The following CRIM1 variants were observed in gnomAD, a reference collection of about 807,000 sequenced individuals.
CRIM1 encodes the protein cysteine-rich motor neuron 1 protein.
Under a neutral mutation model 116.4 loss-of-function variants are expected in CRIM1, and 32 were observed. The observed-to-expected ratio is 0.27, with a 90% CI of 0.21 to 0.37. The LOEUF (loss-of-function observed/expected upper bound fraction) is 0.37. Among genes scored for constraint, CRIM1 ranks in the 10% least tolerant of loss-of-function variants. The probability of loss-of-function intolerance (pLI) is 1.00; values close to 1 mark genes in which losing one functional copy is unlikely to be tolerated. For synonymous variants in CRIM1, 590 were observed against 509.2 expected, an observed-to-expected ratio of 1.16 and a Z score of -2.13; for missense variants, 1,331 against 1,354.8, an observed-to-expected ratio of 0.98 and a Z score of 0.28.
chr2:36,437,099 G>A (rs1019666272), intron 2 of CRIM1, among the ~76,000 whole-genome samples: 1 of 152,200 alleles, frequency 6.6e-6, no homozygotes, highest in Non-Finnish European at 1.5e-5. Flanking sequence ...GAGGAGGCTG[G>A]GCACGGTGGC....
chr2:36,424,451 G>C (rs1216032252), intron 2 of CRIM1, among the ~76,000 whole-genome samples: 1 of 152,156 alleles, frequency 6.6e-6, no homozygotes, highest in East Asian at 1.9e-4. Context: ...CCAGATGGGT[G>C]AATGTTGGGG....
At chr2:36,528,862 A>T (rs978411889) in intron 13 of CRIM1, among the ~76,000 whole-genome samples, 1 of 152,152 alleles carries the variant, frequency 6.6e-6, no homozygotes, top group African/African-American at 2.4e-5. Flanking sequence ...GTTTGATTTC[A>T]GTTTGTTTGG....
intron 7 of CRIM1, among the ~76,000 whole-genome samples, chr2:36,481,055 C>T (rs537337119): frequency 2.6e-5 from 4 of 152,206 alleles, no homozygotes; most frequent in Admixed American, 6.5e-5. Context: ...TTGGGACACA[C>T]GGTAAGGAAT....
intron 7 of CRIM1, among the ~76,000 whole-genome samples, chr2:36,494,605 TA>T (rs1680454077): frequency 6.6e-6 from 1 of 152,132 alleles, no homozygotes; most frequent in South Asian, 2.1e-4. Flanking sequence ...GGAGGGTCTC[TA>T]AAAATCGTTC....
intron 5 of CRIM1, among the ~76,000 whole-genome samples, chr2:36,470,396 A>T (rs529770294): frequency 3.3e-5 from 5 of 152,332 alleles, no homozygotes; most frequent in South Asian, 2.1e-4. Context: ...AGAAGATGCC[A>T]CCTGGGACTT....
intron 15 of CRIM1, among the ~76,000 whole-genome samples, chr2:36,545,486 CTA>C (rs1164001049): frequency 2.0e-5 from 3 of 152,134 alleles, no homozygotes; most frequent in African/African-American, 7.2e-5. Flanking sequence ...TGCATAGTAT[CTA>C]TGTTATAAAG....
At chr2:36,461,168 A>G (rs1402435569) in intron 4 of CRIM1, among the ~76,000 whole-genome samples, 1 of 152,130 alleles carries the variant, frequency 6.6e-6, no homozygotes, top group Non-Finnish European at 1.5e-5. Flanking sequence ...TGGGTGTAGC[A>G]TGGTTTGGGA....
At position 36,487,761 on chromosome 2, in the gene CRIM1, A is replaced by G. The variant is rs571453654; in HGVS notation, c.1372+8067A>G. On this transcript the variant is annotated intron_variant, in intron 7 of 16. Coordinates refer to ENST00000280527, the MANE Select transcript of CRIM1 (RefSeq NM_016441.3). ...CCTCTAAAAGTGAGTACTTTTATCAATAACACTTATTTGTAAGTATAACTC... is the reference window on the plus strand; with the variant it reads ...CCTCTAAAAGTGAGTACTTTTATCAGTAACACTTATTTGTAAGTATAACTC... Among the ~76,000 whole-genome samples the G allele has an allele frequency of 1.1e-4, 16 of 152,292 alleles. No individual in the cohort carries two copies. In the East Asian group the frequency reaches 1.3e-3, roughly 13 times the overall value.
intron 7 of CRIM1, among the ~76,000 whole-genome samples, chr2:36,483,457 C>T (rs904201481): frequency 1.3e-5 from 2 of 152,166 alleles, no homozygotes; most frequent in Non-Finnish European, 2.9e-5. Context: ...CTCACAGCAT[C>T]CCTTCGGTAT....
chr2:36,464,594 C>T lies in CRIM1; in HGVS notation c.930C>T (p.Arg310=). ...FPVCEVGSTP[R]IVSRGDGTPG... is the part of the protein sequence containing the mutation. Reference sequence around the variant, plus strand: ...TGTGTGAGGTGGGATCCACTCCCCGCATAGTCTCTCGTGGCGATGGGACAC... The same window carrying T: ...TGTGTGAGGTGGGATCCACTCCCCGTATAGTCTCTCGTGGCGATGGGACAC... Residue 310 remains arginine (R), a synonymous_variant, in exon 5 of 17, where the codon CGC becomes CGT. Transcript: ENST00000280527. The T allele has an allele frequency of 6.2e-7, 1 of 1,614,132 alleles. No individual in the cohort carries two copies. The highest frequency in any genetic ancestry group is 1.7e-5 in the Admixed American group (1 of 60,022).
At chr2:36,528,112 G>T (rs1051144375) in intron 13 of CRIM1, among the ~76,000 whole-genome samples, 2 of 152,166 alleles carry the variant, frequency 1.3e-5, no homozygotes, top group African/African-American at 4.8e-5. Flanking sequence ...CAATTTAAGT[G>T]TATATTGATT....
intron 13 of CRIM1, among the ~76,000 whole-genome samples, chr2:36,535,292 A>G (rs889270116): frequency 5.9e-5 from 9 of 152,170 alleles, no homozygotes; most frequent in African/African-American, 1.9e-4. Flanking sequence ...ATTAGGCATC[A>G]TTGGATGATT....
At chr2:36,433,181 G>T (rs1231506553) in intron 2 of CRIM1, among the ~76,000 whole-genome samples, 2 of 152,118 alleles carry the variant, frequency 1.3e-5, no homozygotes, top group Non-Finnish European at 2.9e-5. Flanking sequence ...TGCAGATTCT[G>T]ATTCAGTAGG....
intron 4 of CRIM1, among the ~76,000 whole-genome samples, chr2:36,453,956 C>G (rs1227094943): frequency 2.0e-5 from 3 of 152,174 alleles, no homozygotes; most frequent in Non-Finnish European, 4.4e-5. Context: ...ACTAATCCCA[C>G]CTACCTTTAT....
intron 2 of CRIM1, among the ~76,000 whole-genome samples, chr2:36,440,165 A>G (rs967032111): frequency 2.2e-4 from 33 of 152,298 alleles, no homozygotes; most frequent in African/African-American, 7.5e-4. Flanking sequence ...CTTTAAGTTT[A>G]CCAATGACCT....
chr2:36,454,182 C>G (rs982543975), intron 4 of CRIM1, among the ~76,000 whole-genome samples: 7 of 152,202 alleles, frequency 4.6e-5, no homozygotes, highest in African/African-American at 1.7e-4. Context: ...AACCCCAGTC[C>G]TCCTCTCAGT....
At chr2:36,398,570 A>G (rs1422847528) in intron 2 of CRIM1, among the ~76,000 whole-genome samples, 1 of 152,252 alleles carries the variant, frequency 6.6e-6, no homozygotes, top group Non-Finnish European at 1.5e-5. Context: ...TTTTGAGATC[A>G]TTCCCACAGG....
At chr2:36,462,066 A>G in intron 4 of CRIM1, among the ~76,000 whole-genome samples, 1 of 152,220 alleles carries the variant, frequency 6.6e-6, no homozygotes, top group East Asian at 1.9e-4. Flanking sequence ...ACCAGCTAGC[A>G]AAACCAGGAT....
Position 36,356,226 on chromosome 2 carries a change from C to A in CRIM1, c.-67C>A. ...CGGCGGCGGCGGCGCGTGTGCCCCGCGCAGGGGAGGGCGCCCGCCCCGCTC... is the reference window on the plus strand; with the variant it reads ...CGGCGGCGGCGGCGCGTGTGCCCCGAGCAGGGGAGGGCGCCCGCCCCGCTC... On this transcript the variant is annotated 5_prime_UTR_variant, in exon 1 of 17. Coordinates refer to ENST00000280527, the MANE Select transcript of CRIM1 (RefSeq NM_016441.3). The surrounding 1 kb of genome is among the most constrained non-coding windows in gnomAD (Gnocchi z 4.3). 1 of 902,098 alleles carries A rather than the reference C, an allele frequency of 1.1e-6. No homozygotes were observed. Among genetic ancestry groups the A allele is most frequent in the Non-Finnish European group, 1.5e-6 (1 of 662,584 alleles). The allele number at this position is 902,098 out of a possible 1,614,324, so 55.9% of individuals were successfully genotyped here.
Sources: allele counts gnomAD v4.1 joint callset (sites outside exome capture counted in the v4.1 genomes callset), GRCh38; gene constraint gnomAD v4.1.1; non-coding constraint Gnocchi (gnomAD v3.1); transcripts MANE v1.5; gene names NCBI Gene and HGNC (gene_info 2026-07-23, HGNC 2026-07-21).